NFKBIL1: variants seen among roughly 807,000 people sequenced by gnomAD.
NFKBIL1 encodes NFKB inhibitor like 1.
In NFKBIL1, 30 loss-of-function variants were observed where a neutral mutation model predicts 45.4. That is an observed-to-expected ratio of 0.66 (90% CI 0.49 to 0.90). NFKBIL1 has a LOEUF of 0.90. NFKBIL1 is among the 40% of genes least tolerant of loss of function. NFKBIL1 has a pLI of 0.00. For missense variants in NFKBIL1, 434 were observed against 513.4 expected (o/e 0.85, Z 1.49); for synonymous variants, 179 against 197.3 (o/e 0.91, Z 0.78).
At chr6:31,552,679 G>C (rs1261304542) in intron 2 of NFKBIL1, among the ~76,000 whole-genome samples, 1 of 146,210 alleles carries the variant, frequency 6.8e-6, no homozygotes, top group Non-Finnish European at 1.5e-5. Flanking sequence ...TATAAAGGCG[G>C]CATTTCTTTT....
At chr6:31,548,682 C>T (rs1426558721) in intron 2 of NFKBIL1, among the ~76,000 whole-genome samples, 3 of 152,186 alleles carry the variant, frequency 2.0e-5, no homozygotes, top group African/African-American at 7.2e-5. Context: ...TTAGTAGCTA[C>T]TTTGTTTCTT....
In NFKBIL1 at chr6:31,558,210, C is replaced by G. The variant is rs759845940; in HGVS notation, c.745C>G (p.Arg249Gly). The G allele has an allele frequency of 3.1e-6, 5 of 1,599,850 alleles. No individual in the cohort carries two copies. Among genetic ancestry groups the G allele is most frequent in the Non-Finnish European group, 4.3e-6 (5 of 1,174,130 alleles). The change falls in exon 4 of 4, where the codon CGA (arginine) becomes GGA (glycine). Residue 249 changes from arginine to glycine, a missense_variant. Physicochemically the swap from Arg to Gly is moderately radical, Grantham distance 125. Transcript: ENST00000376148. The surrounding 1 kb of genome is among the most constrained non-coding windows in gnomAD (Gnocchi z 7.2). ...GGAGGAGCAGCGGCTCTTCAGGGAG[C>G]GAGCCCGGGCCAAGGAGGAAGAGCT... Reference protein sequence around the residue: ...QEEEQRLFRERARAKEEELRE... With the variant: ...QEEEQRLFREGARAKEEELRE...
chr6:31,556,252 AT>A (rs1769735205), intron 2 of NFKBIL1, among the ~76,000 whole-genome samples: 2 of 151,912 alleles, frequency 1.3e-5, no homozygotes, highest in African/African-American at 4.8e-5. Flanking sequence ...CCCTGATGTG[AT>A]TTGGGTAGGG....
Position 31,558,175 on chromosome 6 carries a change from G to A in NFKBIL1, c.710G>A (p.Arg237Gln), listed in dbSNP as rs201798828. 21 of 1,609,780 alleles carry A rather than the reference G, an allele frequency of 1.3e-5. No homozygotes were observed. The highest frequency in any genetic ancestry group is 4.4e-5 in the South Asian group (4 of 90,454). Residue 237 changes from arginine (R) to glutamine (Q), a missense_variant, in exon 4 of 4, where the codon CGA becomes CAA. Coordinates refer to ENST00000376148, the MANE Select transcript of NFKBIL1 (RefSeq NM_005007.4). The surrounding 1 kb of genome is among the most constrained non-coding windows in gnomAD (Gnocchi z 7.2). The part of the protein sequence containing the change: ...PRAEGSSQSW[R>Q]QQEEEQRLFR... ...GCTGAGGGCTCCAGCCAGAGCTGGC[G>A]ACAGCAGGAGGAGGAGCAGCGGCTC... is the stretch of plus-strand genomic sequence containing the variant.
chr6:31,550,651 G>A (rs114196218), intron 2 of NFKBIL1, among the ~76,000 whole-genome samples: 1 of 152,226 alleles, frequency 6.6e-6, no homozygotes, highest in African/African-American at 2.4e-5. Flanking sequence ...ACCTCTGTGA[G>A]CCCAATTTGC....
In NFKBIL1 at chr6:31,548,354, G is replaced by A. The variant is rs200183765; in HGVS notation, c.249G>A (p.Leu83=). 1 of 1,591,590 alleles carries A rather than the reference G, an allele frequency of 6.3e-7. No homozygotes were observed. Among genetic ancestry groups the A allele is most frequent in the Non-Finnish European group, 8.5e-7 (1 of 1,169,710 alleles). ...GCCACGATGCCCCTGCCCTGTGCCT[G>A]CTGCTTCGGCTCGGGGCTGACCCTG... ...CARHDAPALC[L]LLRLGADPAH... is the part of the protein sequence containing the mutation. The change falls in exon 2 of 4, where the codon CTG becomes CTA. Residue 83 remains leucine (L), a synonymous_variant. Coordinates refer to ENST00000376148, the MANE Select transcript of NFKBIL1 (RefSeq NM_005007.4).
rs1217489324 is a variant in NFKBIL1 at position 31,557,973 on chromosome 6, C to G, written c.557-49C>G. On this transcript the variant is annotated intron_variant, in intron 3 of 3. Transcript: ENST00000376148. This position sits in a 1 kb window ranked among gnomAD's most constrained non-coding sequence, Gnocchi z 5.4. Reference sequence around the variant, plus strand: ...CTTCCCTGCTTCTTGGGGCCCATCACCTTCTCACAGCCTCTCTCCAACTAC... The same window carrying G: ...CTTCCCTGCTTCTTGGGGCCCATCAGCTTCTCACAGCCTCTCTCCAACTAC... 1 of 1,508,552 alleles carries G rather than the reference C, an allele frequency of 6.6e-7. No homozygotes were observed. The highest frequency in any genetic ancestry group is 8.9e-7 in the Non-Finnish European group (1 of 1,117,494). The allele number at this position is 1,508,552 out of a possible 1,614,324, so 93.4% of individuals were successfully genotyped here. A position where few individuals can be genotyped will look rare whatever the true frequency, so the allele number is the denominator to read the frequency against.
At chr6:31,550,875 G>C (rs1460776564) in intron 2 of NFKBIL1, among the ~76,000 whole-genome samples, 2 of 152,106 alleles carry the variant, frequency 1.3e-5, no homozygotes, top group African/African-American at 4.8e-5. Context: ...TTTTGGTAGA[G>C]ACGGTTTCTC....
At chr6:31,551,851 C>T (rs1378337003) in intron 2 of NFKBIL1, among the ~76,000 whole-genome samples, 1 of 152,136 alleles carries the variant, frequency 6.6e-6, no homozygotes, top group African/African-American at 2.4e-5. Context: ...GGCTGGAGTG[C>T]AGTGGCAGTA....
intron 2 of NFKBIL1, 40 bp downstream of exon 2, chr6:31,548,479 A>T: frequency 6.9e-7 from 1 of 1,456,326 alleles, no homozygotes. Flanking sequence ...TAAGCAGCTG[A>T]CCAGACCTGA....
chr6:31,552,685 C>CTTTTTTTTT (rs9279343), intron 2 of NFKBIL1, among the ~76,000 whole-genome samples: 1 of 55,558 alleles, frequency 1.8e-5, no homozygotes, highest in Non-Finnish European at 3.1e-5. Flanking sequence ...GGCGGCATTT[C>CTTTTTTTTT]TTTTTTTTTT....
rs1039999188 is a variant in NFKBIL1, at chr6:31,558,736, G to A, written c.*125G>A. 9.5e-6 allele frequency: 8 copies of A among 839,242 alleles called. No individual in the cohort carries two copies. In the Admixed American group the frequency reaches 2.3e-4, roughly 24 times the overall value. 52.0% of individuals were successfully genotyped at this position (839,242 alleles called of 1,614,324 possible). ...TGCTCAGCAGAGGATATGGGTGGGA[G>A]CGAAAGTTGTAACAAGTGGGGGTGG... On this transcript the variant is annotated 3_prime_UTR_variant, in exon 4 of 4. Transcript: ENST00000376148. This position sits in a 1 kb window ranked among gnomAD's most constrained non-coding sequence, Gnocchi z 7.2.
At chr6:31,554,678 CAT>C (rs1266629984) in intron 2 of NFKBIL1, among the ~76,000 whole-genome samples, 1 of 152,196 alleles carries the variant, frequency 6.6e-6, no homozygotes, top group African/African-American at 2.4e-5. Context: ...TAAAGGAAGA[CAT>C]AGGCACACTT....
chr6:31,553,776 C>T (rs1293085877), intron 2 of NFKBIL1, among the ~76,000 whole-genome samples: 2 of 152,106 alleles, frequency 1.3e-5, no homozygotes, highest in Non-Finnish European at 2.9e-5. Context: ...CAGTTCTCTG[C>T]CTCAGCCTCC....
rs1322922283 is a variant in NFKBIL1, at chr6:31,557,898, T to C, written c.556+49T>C. The C allele has an allele frequency of 1.3e-6, 2 of 1,532,870 alleles. No homozygotes were observed. The highest frequency in any genetic ancestry group is 3.8e-5 in the Admixed American group (2 of 52,766). 95.0% of individuals were successfully genotyped at this position (1,532,870 alleles called of 1,614,324 possible). A position where few individuals can be genotyped will look rare whatever the true frequency, so the allele number is the denominator to read the frequency against. On this transcript the variant is annotated intron_variant, in intron 3 of 3. Coordinates refer to ENST00000376148, the MANE Select transcript of NFKBIL1 (RefSeq NM_005007.4). This position sits in a 1 kb window ranked among gnomAD's most constrained non-coding sequence, Gnocchi z 5.4. ...AGCTGCCCTTCCCCACTGGCTGCTTTCCATCTGCATGAATGCGTCACACTA... is the reference window on the plus strand; with the variant it reads ...AGCTGCCCTTCCCCACTGGCTGCTTCCCATCTGCATGAATGCGTCACACTA...
chr6:31,552,342 G>A (rs1349562234), intron 2 of NFKBIL1, among the ~76,000 whole-genome samples: 3 of 151,858 alleles, frequency 2.0e-5, no homozygotes, highest in African/African-American at 2.4e-5. Context: ...GCACAATCTC[G>A]GCTCACTGCA....
chr6:31,558,010 C>A lies in NFKBIL1; in HGVS notation c.557-12C>A. On this transcript the variant is annotated splice_polypyrimidine_tract_variant and intron_variant, in intron 3 of 3. Transcript: ENST00000376148. The surrounding 1 kb of genome is among the most constrained non-coding windows in gnomAD (Gnocchi z 7.2). ...CTCTCTCCAACTACCCCCATCCCACCCTCCCAAACAGGTGATGCCTCCCAT... is the reference window on the plus strand; with the variant it reads ...CTCTCTCCAACTACCCCCATCCCACACTCCCAAACAGGTGATGCCTCCCAT... 1.3e-6 allele frequency: 2 copies of A among 1,546,494 alleles called. No homozygotes were observed. The highest frequency in any genetic ancestry group is 8.8e-7 in the Non-Finnish European group (1 of 1,132,166).
intron 2 of NFKBIL1, among the ~76,000 whole-genome samples, chr6:31,549,921 G>T (rs1769333207): frequency 6.6e-6 from 1 of 152,132 alleles, no homozygotes; most frequent in South Asian, 2.1e-4. Context: ...AGTGGTGGAG[G>T]CCAGGTGCGG....
At chr6:31,548,776 A>C (rs543269786) in intron 2 of NFKBIL1, among the ~76,000 whole-genome samples, 1 of 152,198 alleles carries the variant, frequency 6.6e-6, no homozygotes, top group African/African-American at 2.4e-5. Flanking sequence ...CCCAGCTCCA[A>C]ATCCCAGCTC....
Sources: allele counts gnomAD v4.1 joint callset (sites outside exome capture counted in the v4.1 genomes callset), GRCh38; gene constraint gnomAD v4.1.1; non-coding constraint Gnocchi (gnomAD v3.1); transcripts MANE v1.5; gene names NCBI Gene and HGNC (gene_info 2026-07-23, HGNC 2026-07-21).